ZNF131: variants seen among roughly 807,000 people sequenced by gnomAD.
ZNF131 encodes the protein zinc finger and BTB domain containing 35.
Under a neutral mutation model 60.0 loss-of-function variants are expected in ZNF131, and 7 were observed. The ratio of observed to expected loss-of-function variants is 0.12; its 90% confidence interval spans 0.07 to 0.22. The LOEUF (loss-of-function observed/expected upper bound fraction) is 0.22, where lower values mean the gene tolerates loss of function less well. ZNF131 is among the 10% of genes least tolerant of loss of function. ZNF131 has a pLI of 1.00. For synonymous variants in ZNF131, 257 were observed against 253.2 expected (o/e 1.01, Z -0.14); for missense variants, 493 against 740.9 (o/e 0.67, Z 3.88).
At chr5:43,167,921 T>A (rs902081451) in intron 5 of ZNF131, 1 of 444,924 alleles carries the variant, frequency 2.2e-6, no homozygotes, top group African/African-American at 2.0e-5. Flanking sequence ...AGGAATTTAT[T>A]TCTTACAGTT....
chr5:43,128,370 C>G (rs1054791066), intron 3 of ZNF131, among the ~76,000 whole-genome samples: 2 of 152,066 alleles, frequency 1.3e-5, no homozygotes, highest in African/African-American at 4.8e-5. Context: ...TTAGAAGCAC[C>G]TGGGAGCTGG....
At position 43,130,824 on chromosome 5, in the gene ZNF131, C is replaced by A. The variant is rs567947930; in HGVS notation, c.226+7514C>A. Among the ~76,000 whole-genome samples, 3 of 151,814 alleles carry A rather than the reference C, an allele frequency of 2.0e-5. No individual in the cohort carries two copies. The South Asian group carries it at 6.2e-4, about 32-fold the overall frequency. On this transcript the variant is annotated intron_variant, in intron 3 of 6. Transcript: ENST00000682664. ...CAGATGATCCACCTGCCTCGGCCTCCCAGAGTGCTGGGATTACAGGCATGA... is the reference window on the plus strand; with the variant it reads ...CAGATGATCCACCTGCCTCGGCCTCACAGAGTGCTGGGATTACAGGCATGA...
chr5:43,121,194 A>T (rs1199873896), intron 1 of ZNF131, 71 bp downstream of exon 1: 3 of 153,014 alleles, frequency 2.0e-5, no homozygotes, highest in Non-Finnish European at 2.9e-5. Context: ...GCCGCGCAGT[A>T]GCTGGGCTGT....
At chr5:43,169,513 C>T (rs753836025) in intron 5 of ZNF131, among the ~76,000 whole-genome samples, 20 of 152,108 alleles carry the variant, frequency 1.3e-4, no homozygotes, top group Admixed American at 4.6e-4. Flanking sequence ...GGAAAACAAG[C>T]GAGCATGCGG....
chr5:43,164,404 C>T (rs919461795), intron 5 of ZNF131, among the ~76,000 whole-genome samples: 9 of 152,108 alleles, frequency 5.9e-5, no homozygotes, highest in Admixed American at 3.9e-4. Context: ...CCTTAGAAAA[C>T]GAATAATAGT....
At chr5:43,134,057 G>A (rs1018802360) in intron 3 of ZNF131, among the ~76,000 whole-genome samples, 5 of 152,082 alleles carry the variant, frequency 3.3e-5, no homozygotes, top group Non-Finnish European at 7.4e-5. Flanking sequence ...CAGTACCAAA[G>A]CAAGACAGGC....
chr5:43,144,297 T>G (rs1206342132), intron 4 of ZNF131, among the ~76,000 whole-genome samples: 1 of 127,660 alleles, frequency 7.8e-6, no homozygotes, highest in African/African-American at 3.0e-5. Context: ...GGCACGATCC[T>G]GGCTCACCGC....
rs534335149 is a variant in ZNF131, at chr5:43,176,264, T to C, written c.*1131T>C. The C allele has an allele frequency of 6.6e-6, 1 of 152,226 alleles. No homozygotes were observed. 9.4% of individuals were successfully genotyped at this position (152,226 alleles called of 1,614,324 possible). A position where few individuals can be genotyped will look rare whatever the true frequency, so the allele number is the denominator to read the frequency against. On this transcript the variant is annotated 3_prime_UTR_variant, in exon 7 of 7. Coordinates refer to ENST00000682664, the MANE Select transcript of ZNF131 (RefSeq NM_001330707.2). ...AAACCCATAGACCAATATGCTATTT[T>C]TTTTACCTGTTAAATATTGGGAGTT...
At chr5:43,149,656 GC>G (rs973944606) in intron 4 of ZNF131, among the ~76,000 whole-genome samples, 37 of 152,262 alleles carry the variant, frequency 2.4e-4, no homozygotes, top group African/African-American at 8.7e-4. Flanking sequence ...ATTCCATTCT[GC>G]AGCCTATGAA....
At chr5:43,151,349 A>G (rs1405274735) in intron 4 of ZNF131, among the ~76,000 whole-genome samples, 1 of 152,232 alleles carries the variant, frequency 6.6e-6, no homozygotes, top group Non-Finnish European at 1.5e-5. Context: ...TGAGACCTCC[A>G]CAGTCACCCG....
chr5:43,159,562 G>A (rs558158587), intron 4 of ZNF131, among the ~76,000 whole-genome samples: 3 of 152,102 alleles, frequency 2.0e-5, no homozygotes, highest in African/African-American at 7.2e-5. Flanking sequence ...GGGCATGGTG[G>A]CAGGAGCCTG....
chr5:43,125,892 C>T (rs892192421), intron 3 of ZNF131, among the ~76,000 whole-genome samples: 1 of 152,154 alleles, frequency 6.6e-6, no homozygotes, highest in Admixed American at 6.5e-5. Flanking sequence ...AGACTAGTCA[C>T]CTTGAGATTT....
chr5:43,171,872 G>A lies in ZNF131; in HGVS notation c.1055-1446G>A, dbSNP rs749825570. Reference sequence around the variant, plus strand: ...TGACCTCAAGTGATCCACCCACCTCGGCCTCCCAAAGTGCTGGGATTACGG... The same window carrying A: ...TGACCTCAAGTGATCCACCCACCTCAGCCTCCCAAAGTGCTGGGATTACGG... On this transcript the variant is annotated intron_variant, in intron 5 of 6. Coordinates refer to ENST00000682664, the MANE Select transcript of ZNF131 (RefSeq NM_001330707.2). 5.9e-5 allele frequency among the ~76,000 whole-genome samples: 9 copies of A among 152,170 alleles called. No individual in the cohort carries two copies. In the East Asian group the frequency reaches 1.2e-3, roughly 20 times the overall value.
At chr5:43,171,811 A>G (rs10805667) in intron 5 of ZNF131, among the ~76,000 whole-genome samples, 99,397 of 151,894 alleles carry the variant, frequency 0.65, 33,102 homozygotes, top group East Asian at 0.84. Flanking sequence ...GTAGAGTCGG[A>G]GATTCGCAGT....
In ZNF131 at chr5:43,136,519, C is replaced by T. The variant is rs138712006; in HGVS notation, c.227-2646C>T. Among the ~76,000 whole-genome samples the T allele has an allele frequency of 7.8e-3, 822 of 105,448 alleles. 7 individuals are homozygous for T. The highest frequency in any genetic ancestry group is 0.027 in the African/African-American group (794 of 28,908). 69.2% of individuals were successfully genotyped at this position (105,448 alleles called of 152,430 possible). On this transcript the variant is annotated intron_variant, in intron 3 of 6. Coordinates refer to ENST00000682664, the MANE Select transcript of ZNF131 (RefSeq NM_001330707.2). ...TTTTTTTTTTTTTGAGGTAGTCTTA[C>T]TGTGTTGCCCAGGCTGAAGTGCAGT...
At chr5:43,165,453 T>C (rs2112016266) in intron 5 of ZNF131, among the ~76,000 whole-genome samples, 1 of 152,350 alleles carries the variant, frequency 6.6e-6, no homozygotes, top group East Asian at 1.9e-4. Context: ...GCTGTTGTGT[T>C]TGCAGACTGA....
intron 4 of ZNF131, among the ~76,000 whole-genome samples, chr5:43,150,561 G>A (rs1748174536): frequency 6.6e-6 from 1 of 151,914 alleles, no homozygotes; most frequent in Non-Finnish European, 1.5e-5. Context: ...AGGCCGAGGC[G>A]GGCGGATCAT....
At chr5:43,169,651 TTGA>T (rs765615104) in intron 5 of ZNF131, among the ~76,000 whole-genome samples, 3 of 152,236 alleles carry the variant, frequency 2.0e-5, no homozygotes, top group African/African-American at 4.8e-5. Context: ...TCAACTACTA[TTGA>T]TGAACATTTA....
Position 43,176,290 on chromosome 5 carries a change from C to T in ZNF131, c.*1157C>T, listed in dbSNP as rs1389509931. The T allele has an allele frequency of 6.6e-6, 1 of 152,070 alleles. No individual in the cohort carries two copies. Among genetic ancestry groups the T allele is most frequent in the African/African-American group, 2.4e-5 (1 of 41,394 alleles). 9.4% of individuals were successfully genotyped at this position (152,070 alleles called of 1,614,324 possible). A position where few individuals can be genotyped will look rare whatever the true frequency, so the allele number is the denominator to read the frequency against. On this transcript the variant is annotated 3_prime_UTR_variant, in exon 7 of 7. Coordinates refer to ENST00000682664, the MANE Select transcript of ZNF131 (RefSeq NM_001330707.2). ...TTTTACCTGTTAAATATTGGGAGTT[C>T]TTTACATTTTTTAAGTAAACTTTAA...
Sources: allele counts gnomAD v4.1 joint callset (sites outside exome capture counted in the v4.1 genomes callset), GRCh38; gene constraint gnomAD v4.1.1; transcripts MANE v1.5; gene names NCBI Gene and HGNC (gene_info 2026-07-23, HGNC 2026-07-21).